LHFPL3: variants seen among roughly 807,000 people sequenced by gnomAD.
The protein encoded by LHFPL3 is LHFPL tetraspan subfamily member 3.
In LHFPL3, 5 loss-of-function variants were observed where a neutral mutation model predicts 19.3. The ratio of observed to expected loss-of-function variants is 0.26; its 90% CI spans 0.14 to 0.54. LHFPL3 has a LOEUF of 0.54. Among genes scored for constraint, LHFPL3 ranks in the 20% least tolerant of loss-of-function variants. LHFPL3 has a pLI of 0.94. For synonymous variants in LHFPL3, 133 were observed against 126.2 expected, an observed-to-expected ratio of 1.05 and a Z score of -0.36; for missense variants, 249 against 307.4, an observed-to-expected ratio of 0.81 and a Z score of 1.42.
Position 104,795,550 on chromosome 7 carries a change from A to T in LHFPL3, c.682+58639A>T, listed in dbSNP as rs117660485. ...AAGGAAGAGGGGCTGAAAGAAGCAG[A>T]CACACGTTGTCTTTTTATTCCCCAA... On this transcript the variant is annotated intron_variant, in intron 2 of 2. Transcript: ENST00000424859. Among the ~76,000 whole-genome samples the T allele has an allele frequency of 6.2e-4, 94 of 152,364 alleles. 3 individuals are homozygous for T. The East Asian group carries it at 0.017, about 27-fold the overall frequency.
intron 1 of LHFPL3, among the ~76,000 whole-genome samples, chr7:104,621,601 A>C (rs193084308): frequency 6.6e-6 from 1 of 152,198 alleles, no homozygotes; most frequent in African/African-American, 2.4e-5. Flanking sequence ...GAGTTGACAG[A>C]TCGCTTAATC....
intron 2 of LHFPL3, among the ~76,000 whole-genome samples, chr7:104,846,501 A>G (rs1172522223): frequency 6.6e-6 from 1 of 152,166 alleles, no homozygotes; most frequent in Non-Finnish European, 1.5e-5. Flanking sequence ...AGAATTCTAG[A>G]GCTGATGAGT....
intron 2 of LHFPL3, among the ~76,000 whole-genome samples, chr7:104,873,393 G>A (rs181894681): frequency 4.7e-4 from 71 of 152,238 alleles, no homozygotes; most frequent in Admixed American, 9.8e-4. Flanking sequence ...CAAAATAGGT[G>A]GGAGAATCAC....
At chr7:104,863,751 G>T (rs915014640) in intron 2 of LHFPL3, among the ~76,000 whole-genome samples, 1 of 152,166 alleles carries the variant, frequency 6.6e-6, no homozygotes, top group Non-Finnish European at 1.5e-5. Flanking sequence ...CACTGGCTGG[G>T]CCAGTATTTG....
At position 104,668,319 on chromosome 7, in the gene LHFPL3, G is replaced by T; in HGVS notation, c.446-68356G>T. ...TCCTTTTGGCCGTGATAGAAATCGG[G>T]ATTCTGACAAAACAGATACAGACTG... On this transcript the variant is annotated intron_variant, in intron 1 of 2. Transcript: ENST00000424859. 8 of 1,601,244 alleles carry T rather than the reference G, an allele frequency of 5.0e-6. No individual in the cohort carries two copies. The Admixed American group carries it at 1.0e-4, about 20-fold the overall frequency.
At chr7:104,618,027 C>T (rs1443034941) in intron 1 of LHFPL3, among the ~76,000 whole-genome samples, 1 of 152,146 alleles carries the variant, frequency 6.6e-6, no homozygotes, top group East Asian at 1.9e-4. Flanking sequence ...CATCACTGCC[C>T]AATGTCTTGG....
At chr7:104,476,662 G>T (rs1793025032) in intron 1 of LHFPL3, among the ~76,000 whole-genome samples, 1 of 152,120 alleles carries the variant, frequency 6.6e-6, no homozygotes, top group Non-Finnish European at 1.5e-5. Flanking sequence ...GTTTCTCCAT[G>T]TTGGTCAGGC....
Position 104,374,208 on chromosome 7 carries a change from A to ATGTGTGTG in LHFPL3, c.445+45010_445+45017dup, listed in dbSNP as rs1006955104. On this transcript the variant is annotated intron_variant, in intron 1 of 2. Coordinates refer to ENST00000424859, the MANE Select transcript of LHFPL3 (RefSeq NM_199000.3). ...CTATTATCTATCTATCTATCTATATATGTGTGTGTGTGTGTGTGTGTGTGT... is the reference window on the plus strand; with the variant it reads ...CTATTATCTATCTATCTATCTATATATGTGTGTGTGTGTGTGTGTGTGTGTGTGTGTGT... 1.4e-3 allele frequency among the ~76,000 whole-genome samples: 211 copies of ATGTGTGTG among 147,152 alleles called. 1 individual carries two copies. Among genetic ancestry groups the ATGTGTGTG allele is most frequent in the Middle Eastern group, 0.01 (3 of 292 alleles).
chr7:104,332,386 C>T (rs545139067), intron 1 of LHFPL3, among the ~76,000 whole-genome samples: 14 of 151,870 alleles, frequency 9.2e-5, no homozygotes, highest in African/African-American at 3.4e-4. Flanking sequence ...TGTGCCACCA[C>T]ACCAGGCTAA....
At chr7:104,777,569 C>A (rs1283152027) in intron 2 of LHFPL3, among the ~76,000 whole-genome samples, 3 of 152,178 alleles carry the variant, frequency 2.0e-5, no homozygotes, top group Non-Finnish European at 4.4e-5. Flanking sequence ...TTTCCCTTTG[C>A]AGTTAGAATT....
intron 1 of LHFPL3, among the ~76,000 whole-genome samples, chr7:104,540,312 T>C (rs554499214): frequency 6.6e-6 from 1 of 152,052 alleles, no homozygotes; most frequent in African/African-American, 2.4e-5. Context: ...GACAGAAAAG[T>C]CTAGAGCAAC....
chr7:104,742,265 G>A (rs921447970), intron 2 of LHFPL3, among the ~76,000 whole-genome samples: 2 of 152,056 alleles, frequency 1.3e-5, no homozygotes, highest in African/African-American at 4.8e-5. Context: ...TGTGTATATG[G>A]TCTTTGGAAT....
intron 1 of LHFPL3, among the ~76,000 whole-genome samples, chr7:104,334,904 C>T (rs1253939406): frequency 6.6e-6 from 1 of 151,944 alleles, no homozygotes; most frequent in East Asian, 1.9e-4. Flanking sequence ...TCAGAAAGAG[C>T]AGGGACTTGT....
chr7:104,551,978 C>A (rs192634652), intron 1 of LHFPL3, among the ~76,000 whole-genome samples: 1 of 152,270 alleles, frequency 6.6e-6, no homozygotes, highest in East Asian at 1.9e-4. Flanking sequence ...CTACCTCCAG[C>A]CTGCTTCTGT....
intron 1 of LHFPL3, among the ~76,000 whole-genome samples, chr7:104,645,654 CTTTTTT>C (rs869151153): frequency 1.1e-4 from 9 of 81,618 alleles, no homozygotes; most frequent in Admixed American, 1.0e-3. Flanking sequence ...ATTGGGTTTT[CTTTTTT>C]TTTTTTTTTT....
At chr7:104,835,575 T>G (rs1554349668) in intron 2 of LHFPL3, among the ~76,000 whole-genome samples, 1 of 92,616 alleles carries the variant, frequency 1.1e-5, no homozygotes, top group Non-Finnish European at 2.4e-5. Context: ...TCTCCAGAAC[T>G]TTGTTTTCTT....
rs561448161 is a variant in LHFPL3, at chr7:104,635,655, C to T, written c.446-101020C>T. Among the ~76,000 whole-genome samples, 34 of 152,254 alleles carry T rather than the reference C, an allele frequency of 2.2e-4. No homozygotes were observed. In the South Asian group the frequency reaches 6.6e-3, roughly 30 times the overall value. On this transcript the variant is annotated intron_variant, in intron 1 of 2. Transcript: ENST00000424859. ...AGTCAAAAAATTTATCTCTCTGTGC[C>T]ATTTCTCAAGAAGTTACTGAAGAAT...
intron 1 of LHFPL3, among the ~76,000 whole-genome samples, chr7:104,671,614 C>CA (rs1199918190): frequency 3.3e-5 from 5 of 150,000 alleles, no homozygotes; most frequent in Non-Finnish European, 7.4e-5. Flanking sequence ...AAAATACAGA[C>CA]TTTTCCACTA....
chr7:104,378,978 A>C (rs530220554), intron 1 of LHFPL3, among the ~76,000 whole-genome samples: 2 of 151,856 alleles, frequency 1.3e-5, no homozygotes, highest in Non-Finnish European at 2.9e-5. Context: ...TTTTTCTTTT[A>C]TTCCTTGGAT....
Sources: gnomAD v4.1 joint callset for allele counts (sites outside exome capture counted in the v4.1 genomes callset) on GRCh38, gnomAD v4.1.1 for gene constraint, MANE v1.5 for transcripts, NCBI Gene and HGNC (gene_info 2026-07-23, HGNC 2026-07-21) for gene names.